The following ZBTB49 variants were observed in gnomAD, a reference collection of about 807,000 sequenced individuals.
The protein encoded by ZBTB49 is zinc finger and BTB domain-containing protein 49.
Under a neutral mutation model 57.5 loss-of-function variants are expected in ZBTB49, and 43 were observed. The observed-to-expected ratio is 0.75, with a 90% CI of 0.59 to 0.97. ZBTB49 has a LOEUF of 0.97. Among genes scored for constraint, ZBTB49 ranks in the 50% least tolerant of loss-of-function variants. ZBTB49 has a pLI of 0.00. For synonymous variants in ZBTB49, 369 were observed against 362.1 expected (o/e 1.02, Z -0.22); for missense variants, 938 against 947.7 (o/e 0.99, Z 0.13).
intron 3 of ZBTB49, 58 bp downstream of exon 3, chr4:4,303,149 C>T (rs187163593): frequency 2.7e-6 from 4 of 1,462,638 alleles, no homozygotes; most frequent in Middle Eastern, 3.8e-4. Flanking sequence ...TGCTCAGACA[C>T]CACTGGCTCT....
chr4:4,302,293 C>T lies in ZBTB49; in HGVS notation c.457C>T (p.Pro153Ser), dbSNP rs1298196732. Reference sequence around the variant, plus strand: ...CACTTGTGTTATCAGTGAAAACTACCCCCCTCATTTACTGCAGGAATGTTC... The same window carrying T: ...CACTTGTGTTATCAGTGAAAACTACTCCCCTCATTTACTGCAGGAATGTTC... ...DATCVISENY[P>S]PHLLQECSAD... The change falls in exon 3 of 8, where the codon CCC becomes TCC. Residue 153 changes from proline (P) to serine (S), a missense_variant. Transcript: ENST00000337872. The T allele has an allele frequency of 3.7e-6, 6 of 1,614,016 alleles. No individual in the cohort carries two copies. Among genetic ancestry groups the T allele is most frequent in the Admixed American group, 1.7e-5 (1 of 60,026 alleles).
intron 5 of ZBTB49, among the ~76,000 whole-genome samples, chr4:4,315,420 A>G (rs1721147736): frequency 1.3e-5 from 2 of 152,234 alleles, no homozygotes; most frequent in South Asian, 2.1e-4. Context: ...GTAGAAAAAA[A>G]TGCTTTAAAA....
At chr4:4,296,803 A>G (rs978222965) in intron 1 of ZBTB49, among the ~76,000 whole-genome samples, 1 of 152,206 alleles carries the variant, frequency 6.6e-6, no homozygotes. Context: ...TTTGTTTTCA[A>G]CATGGGGCAA....
At position 4,302,017 on chromosome 4, in the gene ZBTB49, A is replaced by G. The variant is rs749685255; in HGVS notation, c.181A>G (p.Lys61Glu). 2 of 1,577,332 alleles carry G rather than the reference A, an allele frequency of 1.3e-6. No individual in the cohort carries two copies. The highest frequency in any genetic ancestry group is 1.7e-6 in the Non-Finnish European group (2 of 1,159,290). Reference protein sequence around the residue: ...RSLFQNSSSQKNDVFHLDVKN... With the variant: ...RSLFQNSSSQENDVFHLDVKN... ...CCTCTTTCAGAATTCTTCAAGCCAGAAGAATGATGTTTTTCACTTGGATGT... is the reference window on the plus strand; with the variant it reads ...CCTCTTTCAGAATTCTTCAAGCCAGGAGAATGATGTTTTTCACTTGGATGT... The change falls in exon 3 of 8, where the codon AAG becomes GAG. Residue 61 changes from lysine to glutamate, a missense_variant. Transcript: ENST00000337872.
rs1442700241 is a variant in ZBTB49, at chr4:4,321,407, C to T, written c.*91C>T. ...AGGACCCAGTTTCCCCATGACAGTG[C>T]CTTCTAACTAGCCAGAGAATAGGTA... is the stretch of plus-strand genomic sequence containing the variant. On this transcript the variant is annotated 3_prime_UTR_variant, in exon 8 of 8. Coordinates refer to ENST00000337872, the MANE Select transcript of ZBTB49 (RefSeq NM_145291.4). The T allele has an allele frequency of 5.3e-6, 7 of 1,311,858 alleles. No individual in the cohort carries two copies. In the East Asian group the frequency reaches 1.7e-4, roughly 32 times the overall value. The allele number at this position is 1,311,858 out of a possible 1,614,324, so 81.3% of individuals were successfully genotyped here. A position where few individuals can be genotyped will look rare whatever the true frequency, so the allele number is the denominator to read the frequency against.
chr4:4,319,030 C>G (rs563422435), intron 7 of ZBTB49, among the ~76,000 whole-genome samples: 4 of 151,734 alleles, frequency 2.6e-5, no homozygotes, highest in African/African-American at 9.7e-5. Context: ...ACTGGGACCA[C>G]AGGCATGCAC....
At chr4:4,291,624 A>G (rs111508220) in intron 1 of ZBTB49, among the ~76,000 whole-genome samples, 14 of 152,324 alleles carry the variant, frequency 9.2e-5, no homozygotes, top group South Asian at 2.1e-4. Context: ...TTCAGGGCAC[A>G]TATGTGTACT....
chr4:4,316,061 T>A lies in ZBTB49; in HGVS notation c.1621+91T>A, dbSNP rs1333416180. 3 of 1,496,028 alleles carry A rather than the reference T, an allele frequency of 2.0e-6. No individual in the cohort carries two copies. In the African/African-American group the frequency reaches 4.2e-5, roughly 21 times the overall value. The allele number at this position is 1,496,028 out of a possible 1,614,324, so 92.7% of individuals were successfully genotyped here. ...TCATTAGCTGAGTGCGTGTCTGGGA[T>A]GAGCCCTTTGTTTCCTCCTGTTTTT... On this transcript the variant is annotated intron_variant, in intron 7 of 7. Transcript: ENST00000337872.
At chr4:4,303,770 G>GTGTGTGTGTGTC (rs377326067) in intron 3 of ZBTB49, among the ~76,000 whole-genome samples, 80 of 25,312 alleles carry the variant, frequency 3.2e-3, no homozygotes, top group Middle Eastern at 0.022. Flanking sequence ...CTGTGTGTGT[G>GTGTGTGTGTGTC]TCTCTCTCTC....
intron 4 of ZBTB49, among the ~76,000 whole-genome samples, chr4:4,307,358 G>T (rs1001085566): frequency 6.6e-6 from 1 of 152,164 alleles, no homozygotes; most frequent in Non-Finnish European, 1.5e-5. Flanking sequence ...CTGCCAGCCT[G>T]GCCTGGGGTT....
At chr4:4,312,597 C>T (rs1372353398) in intron 4 of ZBTB49, among the ~76,000 whole-genome samples, 2 of 152,146 alleles carry the variant, frequency 1.3e-5, no homozygotes, top group African/African-American at 2.4e-5. Context: ...TCTTTATGAA[C>T]AGAAGTATGT....
chr4:4,304,225 A>T (rs1444656174), intron 3 of ZBTB49, among the ~76,000 whole-genome samples: 8 of 135,662 alleles, frequency 5.9e-5, no homozygotes, highest in African/African-American at 1.9e-4. Flanking sequence ...GATTACTGCA[A>T]TTTTTTTTTT....
Position 4,306,188 on chromosome 4 carries a change from G to A in ZBTB49, c.1302+4G>A. The stretch of plus-strand genomic sequence containing the variant: ...TTGTGGGAAACATTTCTCTCAGGTG[G>A]GAATACTCTTATTTATTGTTAATAA... On this transcript the variant is annotated splice_donor_region_variant and intron_variant, in intron 4 of 7. Transcript: ENST00000337872. 1.2e-6 allele frequency: 2 copies of A among 1,611,380 alleles called. No individual in the cohort carries two copies. Among genetic ancestry groups the A allele is most frequent in the Non-Finnish European group, 1.7e-6 (2 of 1,178,244 alleles).
At chr4:4,308,721 C>T (rs897818685) in intron 4 of ZBTB49, among the ~76,000 whole-genome samples, 2 of 152,292 alleles carry the variant, frequency 1.3e-5, no homozygotes, top group South Asian at 4.1e-4. Flanking sequence ...ACAGAAATGG[C>T]CATGGCCTCC....
chr4:4,312,967 C>T, intron 4 of ZBTB49, 74 bp from the exon 5 acceptor site: 2 of 1,484,028 alleles, frequency 1.3e-6, no homozygotes, highest in South Asian at 1.2e-5. Context: ...TGTCAGTTTT[C>T]CTTTTGAATT....
chr4:4,299,551 G>A (rs1007753792), intron 1 of ZBTB49, among the ~76,000 whole-genome samples: 21 of 151,718 alleles, frequency 1.4e-4, no homozygotes, highest in African/African-American at 4.4e-4. Flanking sequence ...AGTAGATACC[G>A]AGAAGTACAT....
At chr4:4,320,047 T>C (rs1721343596) in intron 7 of ZBTB49, among the ~76,000 whole-genome samples, 1 of 152,134 alleles carries the variant, frequency 6.6e-6, no homozygotes, top group South Asian at 2.1e-4. Flanking sequence ...CTGGGCGATT[T>C]TTTTCTTTTT....
intron 1 of ZBTB49, among the ~76,000 whole-genome samples, chr4:4,296,115 A>T (rs938953574): frequency 6.6e-6 from 1 of 152,246 alleles, no homozygotes; most frequent in Non-Finnish European, 1.5e-5. Flanking sequence ...GGGATGGGAC[A>T]GATCAGGGAC....
At chr4:4,299,576 G>A (rs1001444812) in intron 1 of ZBTB49, among the ~76,000 whole-genome samples, 1 of 151,866 alleles carries the variant, frequency 6.6e-6, no homozygotes, top group African/African-American at 2.4e-5. Context: ...TATTAACATG[G>A]TCATATTCTA....
Sources: allele counts gnomAD v4.1 joint callset (sites outside exome capture counted in the v4.1 genomes callset), GRCh38; gene constraint gnomAD v4.1.1; transcripts MANE v1.5; gene names NCBI Gene and HGNC (gene_info 2026-07-23, HGNC 2026-07-21).